The following LDLRAD4 variants were observed in gnomAD, a reference collection of about 807,000 sequenced individuals.
LDLRAD4 encodes the protein low density lipoprotein receptor class A domain containing 4.
A neutral mutation model predicts 17.0 loss-of-function variants in LDLRAD4; 5 were observed. The ratio of observed to expected loss-of-function variants is 0.29; its 90% CI spans 0.15 to 0.62. LDLRAD4 has a LOEUF of 0.62. LDLRAD4 is among the 20% of genes least tolerant of loss of function. The pLI is 0.84. For synonymous variants in LDLRAD4, 168 were observed against 171.8 expected (o/e 0.98, Z 0.17); for missense variants, 340 against 424.7 (o/e 0.80, Z 1.75).
intron 1 of LDLRAD4, among the ~76,000 whole-genome samples, chr18:13,224,313 T>C (rs1010335210): frequency 2.0e-5 from 3 of 152,110 alleles, no homozygotes; most frequent in Non-Finnish European, 2.9e-5. Flanking sequence ...CCATGGCACC[T>C]CTGGGTGTAG....
At chr18:13,377,223 C>T (rs1265073925) in intron 1 of LDLRAD4, among the ~76,000 whole-genome samples, 1 of 152,244 alleles carries the variant, frequency 6.6e-6, no homozygotes, top group African/African-American at 2.4e-5. Context: ...TCTGACAGCA[C>T]TGTTTTGCAT....
intron 1 of LDLRAD4, among the ~76,000 whole-genome samples, chr18:13,360,052 C>G (rs2083569654): frequency 6.6e-6 from 1 of 152,150 alleles, no homozygotes; most frequent in African/African-American, 2.4e-5. Context: ...TGTAGGTGGG[C>G]CACAGAATGG....
chr18:13,530,213 A>G (rs1392353334), intron 3 of LDLRAD4, among the ~76,000 whole-genome samples: 1 of 152,244 alleles, frequency 6.6e-6, no homozygotes, highest in African/African-American at 2.4e-5. Context: ...ATAAACCTCA[A>G]TAAAGTGATG....
chr18:13,307,479 C>CACT (rs2046983279), intron 1 of LDLRAD4, among the ~76,000 whole-genome samples: 2 of 152,080 alleles, frequency 1.3e-5, no homozygotes, highest in Non-Finnish European at 2.9e-5. Flanking sequence ...TGCAGTGGTG[C>CACT]CATCTTGGCA....
intron 2 of LDLRAD4, among the ~76,000 whole-genome samples, chr18:13,431,307 T>C (rs2090318079): frequency 6.6e-6 from 1 of 152,236 alleles, no homozygotes; most frequent in African/African-American, 2.4e-5. Flanking sequence ...TCTTACCTAC[T>C]TTCGGTACTG....
At chr18:13,540,837 C>T (rs1010012921) in intron 3 of LDLRAD4, among the ~76,000 whole-genome samples, 57 of 152,314 alleles carry the variant, frequency 3.7e-4, no homozygotes, top group East Asian at 1.5e-3. Flanking sequence ...CTGGGTGTCT[C>T]GACCGTGTTT....
intron 3 of LDLRAD4, among the ~76,000 whole-genome samples, chr18:13,579,639 G>A (rs1266964574): frequency 2.0e-5 from 3 of 152,202 alleles, no homozygotes; most frequent in Non-Finnish European, 4.4e-5. Flanking sequence ...AACTGGTGGA[G>A]ACATATCACT....
chr18:13,435,143 TG>T (rs2090570625), intron 2 of LDLRAD4, among the ~76,000 whole-genome samples: 1 of 152,244 alleles, frequency 6.6e-6, no homozygotes, highest in African/African-American at 2.4e-5. Flanking sequence ...CACAGTGTGC[TG>T]GGGACAGCCT....
intron 1 of LDLRAD4, among the ~76,000 whole-genome samples, chr18:13,313,352 A>G (rs7241438): frequency 0.37 from 55,730 of 151,984 alleles, 10,988 homozygotes; most frequent in African/African-American, 0.51. Context: ...GCAAGAAACC[A>G]ATTCCTTCCC....
chr18:13,595,857 G>T (rs1387233553), intron 3 of LDLRAD4, among the ~76,000 whole-genome samples: 2 of 152,156 alleles, frequency 1.3e-5, no homozygotes, highest in Non-Finnish European at 2.9e-5. Context: ...AGACTAGAGT[G>T]TTCTATAGAG....
intron 2 of LDLRAD4, among the ~76,000 whole-genome samples, chr18:13,397,192 G>A (rs2086774870): frequency 6.6e-6 from 1 of 152,112 alleles, no homozygotes; most frequent in Admixed American, 6.5e-5. Flanking sequence ...CGCCCAGGCT[G>A]GAGAGCAGTG....
chr18:13,448,482 C>T lies in LDLRAD4; in HGVS notation c.181+10098C>T, dbSNP rs550576825. Among the ~76,000 whole-genome samples, 4 of 152,268 alleles carry T rather than the reference C, an allele frequency of 2.6e-5. No homozygotes were observed. In the East Asian group the frequency reaches 5.8e-4, roughly 22 times the overall value. On this transcript the variant is annotated intron_variant, in intron 3 of 5. Coordinates refer to ENST00000359446, the Ensembl canonical transcript of LDLRAD4. ...AAAATCCCCAGCGCCTGCCTGGCTG[C>T]GCTTGGGTGCCTGCGTAGTCGTGAT...
chr18:13,430,896 C>T (rs1247992723), intron 2 of LDLRAD4, among the ~76,000 whole-genome samples: 1 of 152,152 alleles, frequency 6.6e-6, no homozygotes, highest in Non-Finnish European at 1.5e-5. Flanking sequence ...CCACTCCATG[C>T]TGATGGAGGA....
intron 3 of LDLRAD4, among the ~76,000 whole-genome samples, chr18:13,599,194 T>C (rs934542728): frequency 6.6e-6 from 1 of 152,084 alleles, no homozygotes; most frequent in Non-Finnish European, 1.5e-5. Context: ...GAAACTCTTG[T>C]TTTTTTGCCA....
chr18:13,229,849 C>T (rs1165946101), intron 1 of LDLRAD4, among the ~76,000 whole-genome samples: 1 of 152,226 alleles, frequency 6.6e-6, no homozygotes, highest in Non-Finnish European at 1.5e-5. Context: ...CCACACAGGG[C>T]TAACAACCAT....
At chr18:13,510,588 G>A (rs1600965569) in intron 3 of LDLRAD4, among the ~76,000 whole-genome samples, 1 of 152,178 alleles carries the variant, frequency 6.6e-6, no homozygotes, top group South Asian at 2.1e-4. Context: ...CTGCTTGTGT[G>A]ATGGGTGCAC....
At chr18:13,381,613 G>A (rs1322695122) in intron 1 of LDLRAD4, among the ~76,000 whole-genome samples, 5 of 152,324 alleles carry the variant, frequency 3.3e-5, no homozygotes, top group African/African-American at 4.8e-5. Flanking sequence ...TTTCTTTACT[G>A]TTAGGAGATC....
intron 1 of LDLRAD4, among the ~76,000 whole-genome samples, chr18:13,245,608 A>C (rs559036724): frequency 2.6e-5 from 4 of 152,184 alleles, no homozygotes; most frequent in African/African-American, 9.7e-5. Flanking sequence ...CCGTCTCACT[A>C]TGGCCCATGT....
intron 3 of LDLRAD4, among the ~76,000 whole-genome samples, chr18:13,501,894 T>A (rs971484981): frequency 2.0e-5 from 3 of 152,244 alleles, no homozygotes; most frequent in Non-Finnish European, 4.4e-5. Context: ...GGAATTGTAC[T>A]AGAAATGTGT....
Sources: allele counts gnomAD v4.1 joint callset (sites outside exome capture counted in the v4.1 genomes callset), GRCh38; gene constraint gnomAD v4.1.1; transcripts MANE v1.5; gene names NCBI Gene and HGNC (gene_info 2026-07-23, HGNC 2026-07-21).